The following SEZ6L variants were observed in gnomAD, a reference collection of about 807,000 sequenced individuals.
SEZ6L encodes seizure 6-like protein.
Under a neutral mutation model 106.2 loss-of-function variants are expected in SEZ6L, and 37 were observed. The observed-to-expected ratio is 0.35, with a 90% CI of 0.27 to 0.46. The LOEUF is 0.46. Ranked by LOEUF, SEZ6L falls within the 20% of genes least tolerant of loss-of-function variation. SEZ6L has a pLI of 1.00. For missense variants in SEZ6L, 1,172 were observed against 1,332.8 expected (o/e 0.88, Z 1.88); for synonymous variants, 541 against 570.4 (o/e 0.95, Z 0.73).
At chr22:26,318,097 A>G (rs1382322706) in intron 9 of SEZ6L, among the ~76,000 whole-genome samples, 1 of 127,482 alleles carries the variant, frequency 7.8e-6, no homozygotes, top group East Asian at 2.0e-4. Flanking sequence ...ATTTTTTGTG[A>G]TAGAGTCTCA....
intron 16 of SEZ6L, among the ~76,000 whole-genome samples, chr22:26,378,090 C>A (rs572902053): frequency 6.6e-6 from 1 of 152,206 alleles, no homozygotes; most frequent in Admixed American, 6.5e-5. Context: ...TCCCACACAT[C>A]CCACTGGGCT....
intron 1 of SEZ6L, among the ~76,000 whole-genome samples, chr22:26,234,960 T>C (rs2145754886): frequency 6.6e-6 from 1 of 152,304 alleles, no homozygotes; most frequent in South Asian, 2.1e-4. Context: ...CGGCTGATAC[T>C]GGGAGGAATT....
intron 1 of SEZ6L, among the ~76,000 whole-genome samples, chr22:26,282,925 A>G (rs992959208): frequency 1.1e-4 from 16 of 151,844 alleles, no homozygotes; most frequent in Admixed American, 3.3e-4. Context: ...GAGCAATGCA[A>G]TTTCTTTTTT....
intron 1 of SEZ6L, among the ~76,000 whole-genome samples, chr22:26,256,990 C>G (rs2079843355): frequency 6.6e-6 from 1 of 152,150 alleles, no homozygotes; most frequent in African/African-American, 2.4e-5. Context: ...ATGGTCTGGG[C>G]CAGTGGTTTT....
chr22:26,192,101 C>T (rs538677744), intron 1 of SEZ6L, among the ~76,000 whole-genome samples: 55 of 152,254 alleles, frequency 3.6e-4, no homozygotes, highest in African/African-American at 1.3e-3. Context: ...TCCATCCAAC[C>T]GTCCATTCAT....
Position 26,297,079 on chromosome 22 carries a change from GGGTA to G in SEZ6L, c.1162+2_1162+5del. ...TTGGGACCTTCCAGCTTCACTACCA[GGGTA>G]GGGTCAGGCCAAGGCTGATGAAACA... On this transcript the variant is annotated splice_donor_variant and splice_donor_region_variant and coding_sequence_variant and intron_variant, in exon 4 of 17. Coordinates refer to ENST00000248933, the MANE Select transcript of SEZ6L (RefSeq NM_021115.5). LOFTEE classifies it high-confidence loss of function. 6.2e-7 allele frequency: 1 copy of G among 1,611,822 alleles called. No individual in the cohort carries two copies. Among genetic ancestry groups the G allele is most frequent in the Non-Finnish European group, 8.5e-7 (1 of 1,178,766 alleles).
chr22:26,294,422 C>A lies in SEZ6L; in HGVS notation c.966C>A (p.Leu322=). ...TCTACACTGGCTATGGGGTGGAGCT[C>A]CAGGTAACCCCAGGAGAGTACCTCA... The part of the protein sequence containing the change: ...VTVYTGYGVE[L]QVKSVNLSDG... The change falls in exon 3 of 17, where the codon CTC becomes CTA. Residue 322 remains leucine, a synonymous_variant. Coordinates refer to ENST00000248933, the MANE Select transcript of SEZ6L (RefSeq NM_021115.5). The A allele has an allele frequency of 6.2e-7, 1 of 1,613,868 alleles. No homozygotes were observed. Among genetic ancestry groups the A allele is most frequent in the Non-Finnish European group, 8.5e-7 (1 of 1,179,898 alleles).
intron 12 of SEZ6L, among the ~76,000 whole-genome samples, chr22:26,355,831 C>G (rs2083420777): frequency 6.6e-6 from 1 of 152,218 alleles, no homozygotes; most frequent in African/African-American, 2.4e-5. Flanking sequence ...GTTTGGTCCC[C>G]TGGGACTGAA....
chr22:26,209,251 T>A (rs1212555306), intron 1 of SEZ6L, among the ~76,000 whole-genome samples: 1 of 152,246 alleles, frequency 6.6e-6, no homozygotes, highest in African/African-American at 2.4e-5. Flanking sequence ...TTAGTTGATG[T>A]CTTGTTTCCT....
At chr22:26,245,279 G>A (rs921810675) in intron 1 of SEZ6L, among the ~76,000 whole-genome samples, 4 of 152,164 alleles carry the variant, frequency 2.6e-5, no homozygotes, top group African/African-American at 9.7e-5. Flanking sequence ...CTTGAAGCCA[G>A]CATCCCCGGC....
intron 12 of SEZ6L, among the ~76,000 whole-genome samples, chr22:26,363,135 T>G (rs753048130): frequency 6.6e-6 from 1 of 152,242 alleles, no homozygotes; most frequent in Non-Finnish European, 1.5e-5. Context: ...TGTAACAATG[T>G]GAACCCAGTA....
intron 6 of SEZ6L, among the ~76,000 whole-genome samples, chr22:26,306,662 A>C (rs1226320884): frequency 2.0e-5 from 3 of 152,222 alleles, no homozygotes; most frequent in Admixed American, 6.5e-5. Flanking sequence ...TAGAATCCAG[A>C]ATATGCATAG....
chr22:26,187,659 A>G (rs1265542451), intron 1 of SEZ6L, among the ~76,000 whole-genome samples: 1 of 152,144 alleles, frequency 6.6e-6, no homozygotes, highest in Non-Finnish European at 1.5e-5. Flanking sequence ...AGCAGAGAGG[A>G]GAGGAAAAGA....
intron 1 of SEZ6L, among the ~76,000 whole-genome samples, chr22:26,178,768 G>T (rs1234926639): frequency 2.0e-5 from 3 of 152,186 alleles, no homozygotes; most frequent in African/African-American, 7.2e-5. Context: ...CAAACCTAAT[G>T]CTGTGATCTT....
intron 1 of SEZ6L, among the ~76,000 whole-genome samples, chr22:26,285,205 G>A (rs2080897286): frequency 6.6e-6 from 1 of 152,212 alleles, no homozygotes; most frequent in Non-Finnish European, 1.5e-5. Flanking sequence ...GGGGCCGGCA[G>A]CTGTTGCCTG....
At chr22:26,348,636 G>A (rs1213295334) in intron 11 of SEZ6L, among the ~76,000 whole-genome samples, 2 of 27,098 alleles carry the variant, frequency 7.4e-5, no homozygotes, top group East Asian at 3.5e-3. Context: ...AAGAAAGAAA[G>A]AAAGAAAGAA....
intron 1 of SEZ6L, among the ~76,000 whole-genome samples, chr22:26,239,365 A>T (rs1413836745): frequency 6.6e-6 from 1 of 152,192 alleles, no homozygotes; most frequent in Non-Finnish European, 1.5e-5. Flanking sequence ...GTTAGCCAGC[A>T]AGTTCTTTGG....
intron 5 of SEZ6L, among the ~76,000 whole-genome samples, chr22:26,302,739 A>T (rs1271574467): frequency 6.6e-6 from 1 of 152,174 alleles, no homozygotes; most frequent in Non-Finnish European, 1.5e-5. Flanking sequence ...GAAATCAGGG[A>T]GGAATTAAGC....
At chr22:26,264,474 A>G (rs745436847) in intron 1 of SEZ6L, among the ~76,000 whole-genome samples, 7 of 152,250 alleles carry the variant, frequency 4.6e-5, no homozygotes, top group African/African-American at 1.7e-4. Context: ...AAAATGGGTC[A>G]TTAGATAGAA....
Sources: gnomAD v4.1 joint callset for allele counts (sites outside exome capture counted in the v4.1 genomes callset) on GRCh38, gnomAD v4.1.1 for gene constraint, MANE v1.5 for transcripts, NCBI Gene and HGNC (gene_info 2026-07-23, HGNC 2026-07-21) for gene names.